NALCN: variants seen among roughly 807,000 people sequenced by gnomAD.
The protein encoded by NALCN is sodium leak channel NALCN.
Under a neutral mutation model 225.3 loss-of-function variants are expected in NALCN, and 111 were observed. The ratio of observed to expected loss-of-function variants is 0.49; its 90% confidence interval spans 0.42 to 0.58. The LOEUF (loss-of-function observed/expected upper bound fraction) is 0.58. NALCN is among the 20% of genes least tolerant of loss of function. The probability of loss-of-function intolerance (pLI) is 0.00; values close to 1 mark genes in which losing one functional copy is unlikely to be tolerated. For synonymous variants in NALCN, 764 were observed against 769.0 expected (o/e 0.99, Z 0.11); for missense variants, 1,378 against 2,202.4 (o/e 0.63, Z 7.49).
chr13:101,117,217 C>A (rs1322771314), intron 18 of NALCN, among the ~76,000 whole-genome samples: 1 of 152,122 alleles, frequency 6.6e-6, no homozygotes, highest in Non-Finnish European at 1.5e-5. Flanking sequence ...ATAAAATAAA[C>A]CTTGAATGTC....
At chr13:101,176,192 A>T (rs1192304862) in intron 15 of NALCN, 108 bp downstream of exon 15, 5 of 702,760 alleles carry the variant, frequency 7.1e-6, no homozygotes, top group Middle Eastern at 2.7e-4. Flanking sequence ...TAGCCTTATT[A>T]CATTTTATTT....
At chr13:101,157,724 G>A (rs923487266) in intron 15 of NALCN, among the ~76,000 whole-genome samples, 1 of 150,504 alleles carries the variant, frequency 6.6e-6, no homozygotes, top group African/African-American at 2.4e-5. Flanking sequence ...ATGACATATG[G>A]TTTTGAGCTA....
At chr13:101,140,187 C>G (rs529028377) in intron 17 of NALCN, among the ~76,000 whole-genome samples, 5 of 152,184 alleles carry the variant, frequency 3.3e-5, no homozygotes, top group African/African-American at 1.2e-4. Flanking sequence ...CAAGTGGGAG[C>G]AATAAGACAT....
intron 10 of NALCN, among the ~76,000 whole-genome samples, chr13:101,267,649 G>A (rs537002010): frequency 2.1e-4 from 32 of 152,294 alleles, no homozygotes; most frequent in African/African-American, 7.5e-4. Flanking sequence ...TGGTGGCCAG[G>A]TGGCCATGGG....
intron 7 of NALCN, among the ~76,000 whole-genome samples, chr13:101,332,977 T>C (rs983395533): frequency 6.6e-6 from 1 of 152,216 alleles, no homozygotes; most frequent in African/African-American, 2.4e-5. Flanking sequence ...TCACCTTCAT[T>C]TCTTGTTTTA....
chr13:101,087,209 G>T (rs1295694541), intron 30 of NALCN, among the ~76,000 whole-genome samples: 2 of 151,968 alleles, frequency 1.3e-5, no homozygotes, highest in African/African-American at 2.4e-5. Flanking sequence ...ACATATTTTT[G>T]CATGATTCTG....
In NALCN at chr13:101,416,466, G is replaced by C. The variant is rs1246909318; in HGVS notation, c.-193C>G. On this transcript the variant is annotated 5_prime_UTR_variant, in exon 1 of 44. Transcript: ENST00000251127. ...GCGGCTCAGCTCAGGCAGCGCGCTCGGCCCGGCTGGGGCCGCGGCTCACGC... is the reference window on the plus strand; with the variant it reads ...GCGGCTCAGCTCAGGCAGCGCGCTCCGCCCGGCTGGGGCCGCGGCTCACGC... 2 of 151,790 alleles carry C rather than the reference G, an allele frequency of 1.3e-5. No homozygotes were observed. Among genetic ancestry groups the C allele is most frequent in the East Asian group, 1.9e-4 (1 of 5,156 alleles). The allele number at this position is 151,790 out of a possible 1,614,324, so 9.4% of individuals were successfully genotyped here. A position where few individuals can be genotyped will look rare whatever the true frequency, so the allele number is the denominator to read the frequency against.
At chr13:101,137,594 C>T (rs1233042524) in intron 17 of NALCN, among the ~76,000 whole-genome samples, 4 of 152,106 alleles carry the variant, frequency 2.6e-5, no homozygotes, top group African/African-American at 9.6e-5. Context: ...TCGAAGACAC[C>T]GTGTAGACAA....
chr13:101,350,991 C>T (rs1264066480), intron 6 of NALCN, among the ~76,000 whole-genome samples: 1 of 152,136 alleles, frequency 6.6e-6, no homozygotes, highest in East Asian at 1.9e-4. Flanking sequence ...ATAGACATAT[C>T]TTTTGAGCTA....
At chr13:101,400,752 T>C (rs2047453341) in intron 1 of NALCN, among the ~76,000 whole-genome samples, 1 of 152,104 alleles carries the variant, frequency 6.6e-6, no homozygotes, top group African/African-American at 2.4e-5. Context: ...TCTCCTGATA[T>C]GGGTTGGCTG....
intron 7 of NALCN, among the ~76,000 whole-genome samples, chr13:101,313,574 G>A (rs1233801087): frequency 1.3e-5 from 2 of 152,122 alleles, no homozygotes; most frequent in Non-Finnish European, 2.9e-5. Flanking sequence ...ATGAAAAAAT[G>A]CTCATCATCA....
In NALCN at chr13:101,402,644, C is replaced by A. The variant is rs186791217; in HGVS notation, c.-39-3479G>T. Among the ~76,000 whole-genome samples the A allele has an allele frequency of 7.9e-4, 120 of 152,296 alleles. 1 individual carries two copies. Among genetic ancestry groups the A allele is most frequent in the African/African-American group, 2.7e-3 (114 of 41,562 alleles). ...AGCATGCCCTTCTTGCCTGTCTTCTCTACTTAACCCCTTAAGTGATCACCT... is the reference window on the plus strand; with the variant it reads ...AGCATGCCCTTCTTGCCTGTCTTCTATACTTAACCCCTTAAGTGATCACCT... On this transcript the variant is annotated intron_variant, in intron 1 of 43. Coordinates refer to ENST00000251127, the MANE Select transcript of NALCN (RefSeq NM_052867.4).
chr13:101,307,339 G>A (rs889032980), intron 7 of NALCN, among the ~76,000 whole-genome samples: 6 of 152,154 alleles, frequency 3.9e-5, no homozygotes, highest in Non-Finnish European at 7.4e-5. Context: ...TACACAGATG[G>A]AGAGAAACAT....
At chr13:101,229,614 C>T in intron 12 of NALCN, 30 bp from the exon 13 acceptor site, 1 of 1,472,162 alleles carries the variant, frequency 6.8e-7, no homozygotes, top group Non-Finnish European at 9.1e-7. Context: ...CATTTATTTA[C>T]ACATATGATC....
At chr13:101,128,398 G>A (rs2036346351) in intron 17 of NALCN, among the ~76,000 whole-genome samples, 1 of 152,134 alleles carries the variant, frequency 6.6e-6, no homozygotes, top group African/African-American at 2.4e-5. Flanking sequence ...TTCCCATAGA[G>A]TTATTTGTGA....
At chr13:101,118,852 C>T (rs2035839095) in intron 18 of NALCN, among the ~76,000 whole-genome samples, 1 of 152,160 alleles carries the variant, frequency 6.6e-6, no homozygotes, top group Non-Finnish European at 1.5e-5. Flanking sequence ...AGCACCTTCC[C>T]TTTCCACTGA....
intron 6 of NALCN, among the ~76,000 whole-genome samples, chr13:101,352,469 A>C (rs2045934457): frequency 6.6e-6 from 1 of 152,216 alleles, no homozygotes; most frequent in Non-Finnish European, 1.5e-5. Flanking sequence ...TGACAGAAAG[A>C]AAGAGAGAGA....
intron 13 of NALCN, among the ~76,000 whole-genome samples, chr13:101,215,848 A>G (rs185030319): frequency 3.3e-5 from 5 of 152,200 alleles, no homozygotes; most frequent in South Asian, 4.1e-4. Context: ...ATGCAAGCCA[A>G]CAGAAGACCC....
At chr13:101,233,435 G>A (rs1247792777) in intron 12 of NALCN, among the ~76,000 whole-genome samples, 1 of 151,260 alleles carries the variant, frequency 6.6e-6, no homozygotes, top group Non-Finnish European at 1.5e-5. Context: ...CCACCTCCCG[G>A]GTTCACACCA....
Sources: allele counts gnomAD v4.1 joint callset (sites outside exome capture counted in the v4.1 genomes callset), GRCh38; gene constraint gnomAD v4.1.1; transcripts MANE v1.5; gene names NCBI Gene and HGNC (gene_info 2026-07-23, HGNC 2026-07-21).